Variants in CNST observed in about 807,000 individuals in gnomAD.
CNST encodes the protein consortin, connexin sorting protein.
In CNST, 39 loss-of-function variants were observed where a neutral mutation model predicts 72.4. That is an observed-to-expected ratio of 0.54 (90% CI 0.42 to 0.70). The LOEUF is 0.70. CNST is among the 30% of genes least tolerant of loss of function. The pLI, the probability that CNST is intolerant of heterozygous loss-of-function variation, is 0.00. For missense variants in CNST, 871 were observed against 868.5 expected (o/e 1.00, Z -0.04); for synonymous variants, 332 against 320.1 (o/e 1.04, Z -0.40).
At chr1:246,600,781 A>G (rs763834654) in intron 2 of CNST, among the ~76,000 whole-genome samples, 2 of 152,186 alleles carry the variant, frequency 1.3e-5, no homozygotes, top group African/African-American at 2.4e-5. Context: ...GACCTGTTAA[A>G]CAGGCTTCTG....
chr1:246,646,828 T>C (rs1666110132), intron 8 of CNST, among the ~76,000 whole-genome samples: 1 of 152,218 alleles, frequency 6.6e-6, no homozygotes, highest in South Asian at 2.1e-4. Flanking sequence ...GTAACTTCAT[T>C]TTAATGTAAA....
intron 2 of CNST, among the ~76,000 whole-genome samples, chr1:246,615,332 G>C (rs986252051): frequency 2.6e-4 from 40 of 152,070 alleles, no homozygotes; most frequent in Admixed American, 2.5e-3. Flanking sequence ...CGTGCCACCA[G>C]GCCCGGCTAA....
intron 2 of CNST, among the ~76,000 whole-genome samples, chr1:246,596,971 G>C (rs76571126): frequency 0.022 from 3,377 of 152,202 alleles, 127 homozygotes; most frequent in African/African-American, 0.077. Context: ...ATCAGCTGAG[G>C]GATGTTTGGG....
At chr1:246,569,208 G>A (rs7547043) in intron 1 of CNST, among the ~76,000 whole-genome samples, 58,510 of 151,828 alleles carry the variant, frequency 0.39, 11,886 homozygotes, top group East Asian at 0.66. Context: ...AAAAGAAACA[G>A]GTAAAATTTT....
intron 2 of CNST, among the ~76,000 whole-genome samples, chr1:246,612,909 A>G (rs1011108132): frequency 6.6e-6 from 1 of 152,122 alleles, no homozygotes; most frequent in African/African-American, 2.4e-5. Flanking sequence ...TAACACTCCA[A>G]ACTCAGTGTT....
chr1:246,581,435 G>T, intron 1 of CNST, among the ~76,000 whole-genome samples: 1 of 152,138 alleles, frequency 6.6e-6, no homozygotes, highest in South Asian at 2.1e-4. Flanking sequence ...GGCTGATTTT[G>T]TATTTTTAGT....
At chr1:246,580,803 T>C (rs1660728071) in intron 1 of CNST, among the ~76,000 whole-genome samples, 1 of 152,042 alleles carries the variant, frequency 6.6e-6, no homozygotes, top group African/African-American at 2.4e-5. Context: ...TGCAGTATCA[T>C]GATCTTAGCT....
At chr1:246,614,139 A>G (rs1663526238) in intron 2 of CNST, among the ~76,000 whole-genome samples, 1 of 151,992 alleles carries the variant, frequency 6.6e-6, no homozygotes. Flanking sequence ...TTTTTTGATT[A>G]TGGAATATTC....
At chr1:246,654,166 A>G (rs10924794) in intron 9 of CNST, among the ~76,000 whole-genome samples, 28,935 of 152,020 alleles carry the variant, frequency 0.19, 3,013 homozygotes, top group Admixed American at 0.23. Context: ...TGTCTCCCCA[A>G]CGTCATCTTC....
At chr1:246,589,232 A>C (rs1173490960) in intron 1 of CNST, among the ~76,000 whole-genome samples, 2 of 151,784 alleles carry the variant, frequency 1.3e-5, no homozygotes, top group Admixed American at 6.6e-5. Flanking sequence ...GTCATCTAGC[A>C]TTAGGTATAT....
chr1:246,648,728 G>T (rs1405048584), intron 9 of CNST, among the ~76,000 whole-genome samples: 1 of 152,152 alleles, frequency 6.6e-6, no homozygotes, highest in Non-Finnish European at 1.5e-5. Flanking sequence ...ACAGCTTCTT[G>T]GAGTTACCTT....
At chr1:246,644,203 A>C (rs908629096) in intron 8 of CNST, among the ~76,000 whole-genome samples, 3 of 152,096 alleles carry the variant, frequency 2.0e-5, no homozygotes, top group African/African-American at 7.2e-5. Flanking sequence ...GATCGAGACC[A>C]CAGTGAAACC....
At chr1:246,607,674 GA>G (rs1662973954) in intron 2 of CNST, 1 of 36,254 alleles carries the variant, frequency 2.8e-5, no homozygotes, top group East Asian at 9.6e-4. Context: ...CGATCCTCAG[GA>G]GTAATGTCTT....
intron 9 of CNST, among the ~76,000 whole-genome samples, chr1:246,658,252 C>A (rs1319201120): frequency 2.0e-5 from 3 of 151,776 alleles, no homozygotes; most frequent in African/African-American, 7.3e-5. Context: ...TTGCTCTTTA[C>A]AAACTGGTTA....
At chr1:246,586,709 T>C (rs1661223715) in intron 1 of CNST, among the ~76,000 whole-genome samples, 1 of 152,162 alleles carries the variant, frequency 6.6e-6, no homozygotes, top group Non-Finnish European at 1.5e-5. Flanking sequence ...AGAAATGGAC[T>C]CATAACATTA....
At chr1:246,645,954 T>G (rs1666037066) in intron 8 of CNST, among the ~76,000 whole-genome samples, 1 of 152,162 alleles carries the variant, frequency 6.6e-6, no homozygotes, top group African/African-American at 2.4e-5. Flanking sequence ...TTGCAAAAAC[T>G]TATCCTTTTT....
chr1:246,615,228 C>T (rs150500760), intron 2 of CNST, among the ~76,000 whole-genome samples: 2,983 of 152,162 alleles, frequency 0.02, 95 homozygotes, highest in African/African-American at 0.065. Flanking sequence ...CAGGCTGGAG[C>T]GCAGTGGCGC....
At chr1:246,621,123 A>T (rs1454821622) in intron 2 of CNST, among the ~76,000 whole-genome samples, 1 of 152,204 alleles carries the variant, frequency 6.6e-6, no homozygotes, top group Non-Finnish European at 1.5e-5. Flanking sequence ...TTTATTTATT[A>T]GTGATTTTTG....
chr1:246,631,895 T>C lies in CNST; in HGVS notation c.587T>C (p.Ile196Thr). ...SRALPLCLHQ[I>T]AESYFQEEDY... ...CTGTGTTTTCTTTGTTTTTAACAGA[T>C]AGCAGAATCCTATTTCCAGGAGGAG... is the stretch of plus-strand genomic sequence containing the variant. The change falls in exon 4 of 11, where the codon ATA becomes ACA. Residue 196 changes from isoleucine (I) to threonine (T), a missense_variant and splice_region_variant. By Grantham distance (89) the Ile-to-Thr change is moderately conservative. Coordinates refer to ENST00000366513, the MANE Select transcript of CNST (RefSeq NM_152609.3). 3 of 1,543,996 alleles carry C rather than the reference T, an allele frequency of 1.9e-6. No individual in the cohort carries two copies. Among genetic ancestry groups the C allele is most frequent in the Non-Finnish European group, 1.8e-6 (2 of 1,126,168 alleles).
Sources: gnomAD v4.1 joint callset for allele counts (sites outside exome capture counted in the v4.1 genomes callset) on GRCh38, gnomAD v4.1.1 for gene constraint, MANE v1.5 for transcripts, NCBI Gene and HGNC (gene_info 2026-07-23, HGNC 2026-07-21) for gene names.